AGBL4: variants seen among roughly 807,000 people sequenced by gnomAD.
AGBL4 encodes the protein cytosolic carboxypeptidase 6.
Under a neutral mutation model 66.4 loss-of-function variants are expected in AGBL4, and 58 were observed. That is an observed-to-expected ratio of 0.87 (90% CI 0.71 to 1.09). The LOEUF is 1.09. Among genes scored for constraint, AGBL4 ranks in the 50% least tolerant of loss-of-function variants. The pLI, the probability that AGBL4 is intolerant of heterozygous loss-of-function variation, is 0.00. For synonymous variants in AGBL4, 234 were observed against 222.9 expected, an observed-to-expected ratio of 1.05 and a Z score of -0.44; for missense variants, 579 against 631.0, an observed-to-expected ratio of 0.92 and a Z score of 0.88.
chr1:49,995,471 A>G (rs936574243), intron 1 of AGBL4: 16 of 356,764 alleles, frequency 4.5e-5, no homozygotes, highest in Middle Eastern at 1.0e-3. Flanking sequence ...ACAACCCCAT[A>G]CCCCACAGGG....
At chr1:48,934,741 C>T (rs1655312291) in intron 5 of AGBL4, among the ~76,000 whole-genome samples, 2 of 152,152 alleles carry the variant, frequency 1.3e-5, no homozygotes, top group Admixed American at 6.5e-5. Flanking sequence ...AGACCATTCC[C>T]CTCCTTTCTA....
chr1:48,946,002 T>C (rs1656471229), intron 5 of AGBL4, among the ~76,000 whole-genome samples: 1 of 152,204 alleles, frequency 6.6e-6, no homozygotes, highest in Non-Finnish European at 1.5e-5. Context: ...TCACTCTTAA[T>C]ATGAGAATAG....
intron 9 of AGBL4, among the ~76,000 whole-genome samples, chr1:48,629,636 G>C (rs1458849558): frequency 6.6e-6 from 1 of 152,104 alleles, no homozygotes; most frequent in Non-Finnish European, 1.5e-5. Context: ...TAATTTCAGT[G>C]GGGGGTAAAA....
At chr1:49,808,505 C>A (rs1645024879) in intron 2 of AGBL4, among the ~76,000 whole-genome samples, 1 of 152,016 alleles carries the variant, frequency 6.6e-6, no homozygotes, top group Non-Finnish European at 1.5e-5. Context: ...AAGATTATAT[C>A]CCCTCAAGTT....
intron 7 of AGBL4, among the ~76,000 whole-genome samples, chr1:48,657,262 G>C (rs1489951579): frequency 6.6e-6 from 1 of 152,172 alleles, no homozygotes; most frequent in Admixed American, 6.5e-5. Context: ...AAGCAAAGTG[G>C]TACACAGTAA....
rs970675160 is a variant in AGBL4, at chr1:49,822,351, C to T, written c.157+29045G>A. On this transcript the variant is annotated intron_variant, in intron 2 of 13. Coordinates refer to ENST00000371839, the MANE Select transcript of AGBL4 (RefSeq NM_032785.4). ...TGTGTGTGTGTGTGTTTGTGTGAGACGGAGTCTCGCTCTGTCACCCAGGCT... is the reference window on the plus strand; with the variant it reads ...TGTGTGTGTGTGTGTTTGTGTGAGATGGAGTCTCGCTCTGTCACCCAGGCT... 4.5e-4 allele frequency among the ~76,000 whole-genome samples: 67 copies of T among 149,386 alleles called. 2 individuals carry two copies. The highest frequency in any genetic ancestry group is 3.2e-3 in the Middle Eastern group (1 of 314).
chr1:48,653,511 T>A, intron 7 of AGBL4, 60 bp from the exon 8 acceptor site: 1 of 1,310,058 alleles, frequency 7.6e-7, no homozygotes, highest in Non-Finnish European at 1.1e-6. Context: ...GGAAACACAT[T>A]TTTCTCAGCT....
intron 9 of AGBL4, among the ~76,000 whole-genome samples, chr1:48,618,826 C>T (rs868827264): frequency 5.3e-5 from 8 of 151,924 alleles, no homozygotes; most frequent in South Asian, 2.1e-4. Flanking sequence ...TTACAGTGGT[C>T]GGGGGAGGAG....
At chr1:48,984,417 T>C (rs1660011491) in intron 5 of AGBL4, among the ~76,000 whole-genome samples, 1 of 150,904 alleles carries the variant, frequency 6.6e-6, no homozygotes, top group African/African-American at 2.4e-5. Flanking sequence ...ATCTATCTAC[T>C]GCACAGCAGG....
chr1:49,627,038 C>T (rs1645477568), intron 3 of AGBL4, among the ~76,000 whole-genome samples: 1 of 152,102 alleles, frequency 6.6e-6, no homozygotes, highest in African/African-American at 2.4e-5. Context: ...TGCTGTTGCT[C>T]ATGGACCACA....
intron 6 of AGBL4, among the ~76,000 whole-genome samples, chr1:48,684,687 G>A (rs1307135033): frequency 6.6e-6 from 1 of 152,088 alleles, no homozygotes; most frequent in Non-Finnish European, 1.5e-5. Flanking sequence ...AAAGGCATCA[G>A]ACACCAGGGT....
At chr1:49,400,643 C>T (rs1470366599) in intron 3 of AGBL4, among the ~76,000 whole-genome samples, 2 of 152,044 alleles carry the variant, frequency 1.3e-5, no homozygotes, top group East Asian at 3.9e-4. Flanking sequence ...AAAAAGATTA[C>T]TTTTTAATTT....
chr1:48,901,878 A>AAATT (rs1456648733), intron 5 of AGBL4, among the ~76,000 whole-genome samples: 1 of 152,178 alleles, frequency 6.6e-6, no homozygotes, highest in Non-Finnish European at 1.5e-5. Flanking sequence ...ATAAAGACAC[A>AAATT]CCTGAGACTG....
rs867269435 is a variant in AGBL4 at position 49,262,129 on chromosome 1, A to C, written c.283-16265T>G. On this transcript the variant is annotated intron_variant, in intron 3 of 13. Coordinates refer to ENST00000371839, the MANE Select transcript of AGBL4 (RefSeq NM_032785.4). ...CATATGTAGAAAGCTGAAACTGGAT[A>C]CCTTCCTTACACCTTATACAAAAAT... is the stretch of plus-strand genomic sequence containing the variant. 6.8e-3 allele frequency among the ~76,000 whole-genome samples: 1,035 copies of C among 151,812 alleles called. 9 individuals carry two copies. Among genetic ancestry groups the C allele is most frequent in the South Asian group, 8.1e-3 (39 of 4,786 alleles).
At chr1:49,371,288 C>A (rs1249707521) in intron 3 of AGBL4, among the ~76,000 whole-genome samples, 1 of 151,386 alleles carries the variant, frequency 6.6e-6, no homozygotes, top group Non-Finnish European at 1.5e-5. Flanking sequence ...TACATACATA[C>A]ACACACACAC....
chr1:49,262,504 C>T (rs1653294464), intron 3 of AGBL4, among the ~76,000 whole-genome samples: 2 of 152,158 alleles, frequency 1.3e-5, no homozygotes, highest in Admixed American at 1.3e-4. Context: ...AGTATATGAA[C>T]AGACACTTCT....
At chr1:48,636,282 T>G (rs1326872066) in intron 8 of AGBL4, among the ~76,000 whole-genome samples, 3 of 152,240 alleles carry the variant, frequency 2.0e-5, no homozygotes, top group African/African-American at 7.2e-5. Flanking sequence ...CTGTTAGCCT[T>G]TGATGTAGTT....
chr1:49,557,878 C>T (rs1643942321), intron 3 of AGBL4, among the ~76,000 whole-genome samples: 1 of 151,630 alleles, frequency 6.6e-6, no homozygotes, highest in Admixed American at 6.6e-5. Context: ...AGACCCCTTC[C>T]TTCTGCTTGA....
At chr1:48,765,705 A>AT (rs1423414072) in intron 6 of AGBL4, among the ~76,000 whole-genome samples, 3 of 152,242 alleles carry the variant, frequency 2.0e-5, no homozygotes, top group Non-Finnish European at 2.9e-5. Context: ...AAAATGTGGT[A>AT]TACCCATACA....
Sources: gnomAD v4.1 joint callset for allele counts (sites outside exome capture counted in the v4.1 genomes callset) on GRCh38, gnomAD v4.1.1 for gene constraint, MANE v1.5 for transcripts, NCBI Gene and HGNC (gene_info 2026-07-23, HGNC 2026-07-21) for gene names.